NF1: variants seen among roughly 807,000 people sequenced by gnomAD.
The protein encoded by NF1 is neurofibromin 1, also known as neurofibromin.
A neutral mutation model predicts 325.7 loss-of-function variants in NF1; 122 were observed. That is an observed-to-expected ratio of 0.37 (90% CI 0.32 to 0.44). NF1 has a LOEUF of 0.44. Among genes scored for constraint, NF1 ranks in the 20% least tolerant of loss-of-function variants. The pLI is 1.00. For synonymous variants in NF1, 1,091 were observed against 1,186.0 expected (o/e 0.92, Z 1.65); for missense variants, 2,140 against 3,415.4 (o/e 0.63, Z 9.31).
At chr17:31,305,470 T>G in intron 36 of NF1, 1 of 1,614,222 alleles carries the variant, frequency 6.2e-7, no homozygotes, top group Non-Finnish European at 8.5e-7. Context: ...GTTTTGAGAA[T>G]TAGCCAATAC....
rs893883958 is a variant in NF1 at position 31,285,703 on chromosome 17, T to G, written c.4835+20364T>G. The stretch of plus-strand genomic sequence containing the variant: ...TCACCTGTACAAAAAATTAGTAGAG[T>G]GTGGTGATGAGAGCCTGTAGTTTCA... On this transcript the variant is annotated intron_variant, in intron 36 of 57. Coordinates refer to ENST00000358273, the MANE Select transcript of NF1 (RefSeq NM_001042492.3). 2.6e-5 allele frequency among the ~76,000 whole-genome samples: 4 copies of G among 151,540 alleles called. No homozygotes were observed. In the East Asian group the frequency reaches 7.8e-4, roughly 29 times the overall value.
At chr17:31,277,388 A>T (rs892705765) in intron 36 of NF1, among the ~76,000 whole-genome samples, 4 of 152,222 alleles carry the variant, frequency 2.6e-5, no homozygotes, top group African/African-American at 2.4e-5. Context: ...ACGCCAGAAG[A>T]TGGTAAAACC....
chr17:31,127,282 G>C (rs1914963420), intron 1 of NF1, among the ~76,000 whole-genome samples: 1 of 151,990 alleles, frequency 6.6e-6, no homozygotes, highest in South Asian at 2.1e-4. Flanking sequence ...TCAGTTTATT[G>C]ATTTCCGCAA....
At chr17:31,313,589 C>T (rs1206336757) in intron 36 of NF1, among the ~76,000 whole-genome samples, 2 of 151,550 alleles carry the variant, frequency 1.3e-5, no homozygotes, top group Non-Finnish European at 2.9e-5. Flanking sequence ...GCCTGTAATC[C>T]GAGCTACTTG....
intron 1 of NF1, chr17:31,138,596 G>GT (rs764491897): frequency 0.017 from 2,246 of 128,910 alleles, 23 homozygotes; most frequent in African/African-American, 0.039. Context: ...GCATTCTTTA[G>GT]TTTTTTTTTT....
At chr17:31,265,471 C>T (rs2067770410) in intron 36 of NF1, 132 bp downstream of exon 36, 2 of 678,892 alleles carry the variant, frequency 2.9e-6, no homozygotes, top group South Asian at 1.6e-5. Flanking sequence ...GAGCATATAG[C>T]AGGGTAAATA....
At chr17:31,296,704 G>C (rs1348516538) in intron 36 of NF1, 2 of 247,634 alleles carry the variant, frequency 8.1e-6, no homozygotes, top group Non-Finnish European at 1.6e-5. Flanking sequence ...TACTATTTTT[G>C]ATGATATGCT....
intron 57 of NF1, among the ~76,000 whole-genome samples, chr17:31,372,003 T>C (rs889319787): frequency 6.6e-6 from 1 of 152,236 alleles, no homozygotes; most frequent in African/African-American, 2.4e-5. Flanking sequence ...TTCCTGTTCA[T>C]GAGCCAACAA....
rs987031449 is a variant in NF1, at chr17:31,374,313, G to A, written c.*158G>A. 1.5e-5 allele frequency: 14 copies of A among 933,642 alleles called. No homozygotes were observed. Among genetic ancestry groups the A allele is most frequent in the Admixed American group, 4.2e-5 (2 of 47,966 alleles). 57.8% of individuals were successfully genotyped at this position (933,642 alleles called of 1,614,324 possible). A position where few individuals can be genotyped will look rare whatever the true frequency, so the allele number is the denominator to read the frequency against. Reference sequence around the variant, plus strand: ...CATGTTGCCAGATGATCAACTCTTCGAAGCCTTGCCTAAATTTAATGCTGC... The same window carrying A: ...CATGTTGCCAGATGATCAACTCTTCAAAGCCTTGCCTAAATTTAATGCTGC... On this transcript the variant is annotated 3_prime_UTR_variant, in exon 58 of 58. Coordinates refer to ENST00000358273, the MANE Select transcript of NF1 (RefSeq NM_001042492.3).
intron 57 of NF1, 44 bp from the exon 58 acceptor site, chr17:31,373,969 T>C (rs1051377694): frequency 6.2e-7 from 1 of 1,613,486 alleles, no homozygotes; most frequent in Non-Finnish European, 8.5e-7. Context: ...AATTCAGTCC[T>C]GGAAGGAAAA....
At chr17:31,330,857 T>C (rs2069467731) in intron 39 of NF1, 2 of 200,086 alleles carry the variant, frequency 1.0e-5, no homozygotes, top group Non-Finnish European at 2.0e-5. Flanking sequence ...CTCCTTAATT[T>C]TAGAGAACTA....
At chr17:31,297,371 G>C (rs1000746571) in intron 36 of NF1, 6 of 152,170 alleles carry the variant, frequency 3.9e-5, no homozygotes, top group South Asian at 2.1e-4. Flanking sequence ...ATGGCAAGAG[G>C]TGCACACGCA....
At position 31,374,708 on chromosome 17, in the gene NF1, T is replaced by G; in HGVS notation, c.*553T>G. 1 of 236,122 alleles carries G rather than the reference T, an allele frequency of 4.2e-6. No homozygotes were observed. Among genetic ancestry groups the G allele is most frequent in the Non-Finnish European group, 8.4e-6 (1 of 119,544 alleles). 14.6% of individuals were successfully genotyped at this position (236,122 alleles called of 1,614,324 possible). A position where few individuals can be genotyped will look rare whatever the true frequency, so the allele number is the denominator to read the frequency against. On this transcript the variant is annotated 3_prime_UTR_variant, in exon 58 of 58. Transcript: ENST00000358273. The stretch of plus-strand genomic sequence containing the variant: ...CCATAGAGGTCAAGCCTCAGTGACT[T>G]GACACCATAAAGCCACAGACAAGGT...
At chr17:31,192,363 C>G (rs537210558) in intron 8 of NF1, among the ~76,000 whole-genome samples, 1 of 152,134 alleles carries the variant, frequency 6.6e-6, no homozygotes, top group African/African-American at 2.4e-5. Context: ...TTAAGAAATA[C>G]ATTGGTTTGG....
chr17:31,178,837 C>A (rs1019648158), intron 5 of NF1, among the ~76,000 whole-genome samples: 1 of 152,076 alleles, frequency 6.6e-6, no homozygotes, highest in Non-Finnish European at 1.5e-5. Context: ...TATATGCACC[C>A]AATACAGGAA....
chr17:31,317,610 T>C (rs2069058202), intron 36 of NF1: 1 of 152,224 alleles, frequency 6.6e-6, no homozygotes, highest in Non-Finnish European at 1.5e-5. Flanking sequence ...CTATTTCTTA[T>C]TGATCTTTAC....
At chr17:31,200,835 A>G (rs2066514570) in intron 9 of NF1, among the ~76,000 whole-genome samples, 2 of 152,198 alleles carry the variant, frequency 1.3e-5, no homozygotes, top group South Asian at 2.1e-4. Flanking sequence ...TAATGTGGCA[A>G]TTAGGGCCTG....
intron 12 of NF1, among the ~76,000 whole-genome samples, chr17:31,212,688 C>G (rs1399822742): frequency 6.6e-6 from 1 of 152,112 alleles, no homozygotes; most frequent in South Asian, 2.1e-4. Context: ...CCAGCCTGGG[C>G]AACAAAGTGA....
intron 30 of NF1, among the ~76,000 whole-genome samples, chr17:31,249,393 G>A (rs575089531): frequency 6.6e-6 from 1 of 152,316 alleles, no homozygotes; most frequent in Admixed American, 6.5e-5. Flanking sequence ...GGGTATGATG[G>A]ATGTGGCTGA....
Sources: allele counts gnomAD v4.1 joint callset (sites outside exome capture counted in the v4.1 genomes callset), GRCh38; gene constraint gnomAD v4.1.1; transcripts MANE v1.5; gene names NCBI Gene and HGNC (gene_info 2026-07-23, HGNC 2026-07-21).